TMEM132D: variants seen among roughly 807,000 people sequenced by gnomAD.
TMEM132D encodes mature OL transmembrane protein.
TMEM132D carries 21 observed loss-of-function variants against 62.3 expected under a neutral mutation model. The ratio of observed to expected loss-of-function variants is 0.34; its 90% CI spans 0.24 to 0.49. The LOEUF is 0.49. Among genes scored for constraint, TMEM132D ranks in the 20% least tolerant of loss-of-function variants. The pLI is 0.99. For missense variants in TMEM132D, 1,346 were observed against 1,402.8 expected (o/e 0.96, Z 0.65); for synonymous variants, 621 against 575.6 (o/e 1.08, Z -1.13).
chr12:129,686,155 G>A (rs577829810), intron 2 of TMEM132D, among the ~76,000 whole-genome samples: 1 of 152,278 alleles, frequency 6.6e-6, no homozygotes, highest in South Asian at 2.1e-4. Flanking sequence ...ACTATGTTTT[G>A]AAGTGAGAGG....
At chr12:129,755,537 GT>G (rs1323933827) in intron 1 of TMEM132D, among the ~76,000 whole-genome samples, 3 of 152,182 alleles carry the variant, frequency 2.0e-5, no homozygotes, top group Admixed American at 6.5e-5. Flanking sequence ...GGGTCTGGTG[GT>G]TTCAGAGGCA....
At chr12:129,136,353 C>T (rs1185379073) in intron 5 of TMEM132D, among the ~76,000 whole-genome samples, 1 of 152,142 alleles carries the variant, frequency 6.6e-6, no homozygotes, top group Non-Finnish European at 1.5e-5. Flanking sequence ...GCTCCTTATT[C>T]ACCTTCAATC....
chr12:129,835,499 C>A (rs1350061842), intron 1 of TMEM132D, among the ~76,000 whole-genome samples: 1 of 152,078 alleles, frequency 6.6e-6, no homozygotes, highest in Non-Finnish European at 1.5e-5. Flanking sequence ...CCATGTTGTC[C>A]AGGCTAGTCT....
intron 5 of TMEM132D, among the ~76,000 whole-genome samples, chr12:129,164,964 T>C (rs889256008): frequency 5.9e-5 from 9 of 152,200 alleles, no homozygotes; most frequent in African/African-American, 2.2e-4. Flanking sequence ...GCTTCAGTCA[T>C]ACGAGCTAAA....
Position 129,822,242 on chromosome 12 carries a change from A to T in TMEM132D, c.79+81019T>A, listed in dbSNP as rs557845678. Among the ~76,000 whole-genome samples, 6 of 152,188 alleles carry T rather than the reference A, an allele frequency of 3.9e-5. No individual in the cohort carries two copies. The South Asian group carries it at 1.2e-3, about 32-fold the overall frequency. Reference sequence around the variant, plus strand: ...GGGAGAAGGGCTGAGTGGCTAGAGGAGCTGAGAGACCTGCCGGGGTCCTGA... The same window carrying T: ...GGGAGAAGGGCTGAGTGGCTAGAGGTGCTGAGAGACCTGCCGGGGTCCTGA... On this transcript the variant is annotated intron_variant, in intron 1 of 8. Coordinates refer to ENST00000422113, the MANE Select transcript of TMEM132D (RefSeq NM_133448.3).
intron 1 of TMEM132D, among the ~76,000 whole-genome samples, chr12:129,815,414 T>G (rs1463249827): frequency 6.6e-6 from 1 of 152,182 alleles, no homozygotes; most frequent in East Asian, 1.9e-4. Context: ...TAGAATAGAA[T>G]GTAGAATGTA....
chr12:129,717,243 A>G (rs529222331), intron 1 of TMEM132D, among the ~76,000 whole-genome samples: 14 of 152,284 alleles, frequency 9.2e-5, no homozygotes, highest in African/African-American at 3.4e-4. Context: ...TTTAATCTAC[A>G]TTCTAAAAAG....
intron 4 of TMEM132D, among the ~76,000 whole-genome samples, chr12:129,318,826 T>C (rs559881355): frequency 1.3e-5 from 2 of 151,976 alleles, no homozygotes; most frequent in South Asian, 4.2e-4. Flanking sequence ...GGAGGTGAGA[T>C]TCCCAATTAT....
intron 2 of TMEM132D, among the ~76,000 whole-genome samples, chr12:129,603,001 G>A (rs750081248): frequency 1.3e-5 from 2 of 152,036 alleles, no homozygotes; most frequent in Non-Finnish European, 2.9e-5. Context: ...GAGAGTAACC[G>A]CCCCCATGAT....
chr12:129,430,550 G>A (rs1293208495), intron 3 of TMEM132D, among the ~76,000 whole-genome samples: 11 of 152,034 alleles, frequency 7.2e-5, no homozygotes. Flanking sequence ...CGATACTCCT[G>A]CCTGGAACTC....
intron 1 of TMEM132D, among the ~76,000 whole-genome samples, chr12:129,801,747 G>A (rs879269856): frequency 1.0e-3 from 155 of 148,770 alleles, no homozygotes; most frequent in Middle Eastern, 3.6e-3. Flanking sequence ...TCTGAGCTAC[G>A]GGAGGACATT....
chr12:129,292,079 T>A (rs1442823265), intron 4 of TMEM132D, among the ~76,000 whole-genome samples: 4 of 152,082 alleles, frequency 2.6e-5, no homozygotes, highest in Non-Finnish European at 4.4e-5. Context: ...GCCTATCATG[T>A]TAGGATGAAA....
chr12:129,557,568 T>C, intron 2 of TMEM132D, among the ~76,000 whole-genome samples: 1 of 152,110 alleles, frequency 6.6e-6, no homozygotes, highest in East Asian at 1.9e-4. Flanking sequence ...ATCAGAAAAT[T>C]AGCCAGGTGT....
chr12:129,506,165 G>T (rs1875323466), intron 3 of TMEM132D, among the ~76,000 whole-genome samples: 1 of 152,090 alleles, frequency 6.6e-6, no homozygotes, highest in African/African-American at 2.4e-5. Context: ...TGTGTTTTCA[G>T]GCTTTGTTTC....
At chr12:129,120,370 TAA>T (rs1321038977) in intron 5 of TMEM132D, among the ~76,000 whole-genome samples, 1 of 152,210 alleles carries the variant, frequency 6.6e-6, no homozygotes, top group East Asian at 1.9e-4. Context: ...ATCTCACCAA[TAA>T]TTAGTCATAT....
chr12:129,566,535 A>G (rs1464241764), intron 2 of TMEM132D, among the ~76,000 whole-genome samples: 1 of 152,218 alleles, frequency 6.6e-6, no homozygotes, highest in Non-Finnish European at 1.5e-5. Context: ...AGACTGACAA[A>G]ACAGACTCTT....
chr12:129,611,453 G>A (rs1162832261), intron 2 of TMEM132D, among the ~76,000 whole-genome samples: 3 of 152,190 alleles, frequency 2.0e-5, no homozygotes, highest in Non-Finnish European at 4.4e-5. Context: ...CAACTGAAAT[G>A]GGGGTTGTGG....
chr12:129,411,907 A>G (rs1368881111), intron 3 of TMEM132D, among the ~76,000 whole-genome samples: 3 of 152,118 alleles, frequency 2.0e-5, no homozygotes, highest in Admixed American at 2.0e-4. Context: ...CCTATATTGC[A>G]TATGGTACCT....
intron 3 of TMEM132D, among the ~76,000 whole-genome samples, chr12:129,347,605 C>T (rs1487241458): frequency 2.0e-5 from 3 of 152,132 alleles, no homozygotes; most frequent in Non-Finnish European, 4.4e-5. Context: ...ACCACAAAAA[C>T]CCTAGAGGAA....
Sources: allele counts gnomAD v4.1 joint callset (sites outside exome capture counted in the v4.1 genomes callset), GRCh38; gene constraint gnomAD v4.1.1; transcripts MANE v1.5; gene names NCBI Gene and HGNC (gene_info 2026-07-23, HGNC 2026-07-21).